Variants in DNAAF11 observed in about 807,000 individuals in gnomAD.
DNAAF11 encodes dynein axonemal assembly factor 11, also known as leucine rich repeat containing 6.
Under a neutral mutation model 60.8 loss-of-function variants are expected in DNAAF11, and 45 were observed. The observed-to-expected ratio is 0.74, with a 90% CI of 0.58 to 0.95. The LOEUF (loss-of-function observed/expected upper bound fraction) is 0.95. Ranked by LOEUF, DNAAF11 falls within the 40% of genes least tolerant of loss-of-function variation. The pLI is 0.00. For synonymous variants in DNAAF11, 191 were observed against 183.5 expected, an observed-to-expected ratio of 1.04 and a Z score of -0.33; for missense variants, 546 against 546.2, an observed-to-expected ratio of 1.00 and a Z score of 0.00.
intron 10 of DNAAF11, among the ~76,000 whole-genome samples, chr8:132,607,217 T>A (rs1014321881): frequency 2.6e-5 from 4 of 152,222 alleles, no homozygotes; most frequent in Non-Finnish European, 4.4e-5. Flanking sequence ...GTACACCTCT[T>A]CTACTACTTC....
chr8:132,650,904 C>T (rs1340276102), intron 3 of DNAAF11, among the ~76,000 whole-genome samples: 1 of 152,170 alleles, frequency 6.6e-6, no homozygotes, highest in Non-Finnish European at 1.5e-5. Context: ...AAAAACCCTC[C>T]AAATGTTCAT....
chr8:132,660,349 T>C (rs564872945), intron 2 of DNAAF11, among the ~76,000 whole-genome samples: 1 of 152,238 alleles, frequency 6.6e-6, no homozygotes, highest in Non-Finnish European at 1.5e-5. Flanking sequence ...TATCATTTCA[T>C]GTAATCCCTA....
the DNAAF11 span, among the ~76,000 whole-genome samples, chr8:132,686,165 C>T: frequency 2.0e-5 from 3 of 152,110 alleles, no homozygotes; most frequent in South Asian, 2.1e-4. Context: ...CATCTCTGAA[C>T]GGATGACAAT....
At chr8:132,700,386 T>C in the DNAAF11 span, among the ~76,000 whole-genome samples, 5 of 152,074 alleles carry the variant, frequency 3.3e-5, no homozygotes, top group Non-Finnish European at 4.4e-5. Flanking sequence ...AAGAGTCTGA[T>C]TGAGAGCTGG....
chr8:132,609,056 T>C (rs1818389383), intron 10 of DNAAF11, among the ~76,000 whole-genome samples: 1 of 152,222 alleles, frequency 6.6e-6, no homozygotes, highest in African/African-American at 2.4e-5. Flanking sequence ...GTTTATCTAC[T>C]CTTCCCCTTT....
At chr8:132,688,855 C>T in the DNAAF11 span, among the ~76,000 whole-genome samples, 2 of 152,144 alleles carry the variant, frequency 1.3e-5, no homozygotes, top group African/African-American at 2.4e-5. Context: ...ACTGACAGAT[C>T]CCTTATTAAT....
In DNAAF11 at chr8:132,625,306, T is replaced by G; in HGVS notation, c.802A>C (p.Met268Leu). The change falls in exon 6 of 12, where the codon ATG becomes CTG. Residue 268 changes from methionine (M) to leucine (L), a missense_variant. By Grantham distance (15) the Met-to-Leu change is conservative. Coordinates refer to ENST00000620350, the MANE Select transcript of DNAAF11 (RefSeq NM_012472.6). ...PESRLETLRH[M>L]EKQRKKQEKL... ...TCCTGTTTCTTCCGTTGTTTTTCCA[T>G]GTGTCTAAGAGTTTCCAATCTTGAT... 6.2e-7 allele frequency: 1 copy of G among 1,605,376 alleles called. No individual in the cohort carries two copies. Among genetic ancestry groups the G allele is most frequent in the African/African-American group, 1.3e-5 (1 of 74,660 alleles).
At chr8:132,675,234 T>G in intron 1 of DNAAF11, 1 of 435,194 alleles carries the variant, frequency 2.3e-6, no homozygotes. Flanking sequence ...TGCCTCTTCC[T>G]CCCCTTCCCA....
chr8:132,638,167 A>C, intron 3 of DNAAF11, 60 bp from the exon 4 acceptor site: 1 of 1,268,528 alleles, frequency 7.9e-7, no homozygotes, highest in Non-Finnish European at 1.1e-6. Context: ...TGGTAACAAA[A>C]CGTGTGTAAC....
intron 11 of DNAAF11, chr8:132,578,387 A>C (rs1444693832): frequency 5.8e-6 from 8 of 1,384,470 alleles, no homozygotes; most frequent in Non-Finnish European, 6.6e-6. Context: ...TCCAAAACAA[A>C]GTGGGGAGGG....
At chr8:132,603,715 AG>A (rs1817861791) in intron 10 of DNAAF11, among the ~76,000 whole-genome samples, 1 of 152,074 alleles carries the variant, frequency 6.6e-6, no homozygotes, top group Non-Finnish European at 1.5e-5. Context: ...GAAGTGGACC[AG>A]GGCGGTAAAT....
intron 3 of DNAAF11, among the ~76,000 whole-genome samples, chr8:132,649,085 G>C (rs1822719786): frequency 1.3e-5 from 2 of 152,246 alleles, no homozygotes; most frequent in South Asian, 4.1e-4. Flanking sequence ...AAAGAACAAA[G>C]CTGGAGGCAT....
At chr8:132,599,530 A>G (rs954420453) in intron 10 of DNAAF11, among the ~76,000 whole-genome samples, 1 of 152,242 alleles carries the variant, frequency 6.6e-6, no homozygotes, top group Admixed American at 6.5e-5. Flanking sequence ...CCTCAAAAAA[A>G]TACTGGCAAA....
intron 11 of DNAAF11, among the ~76,000 whole-genome samples, chr8:132,574,260 A>G (rs1814510345): frequency 6.6e-6 from 1 of 152,230 alleles, no homozygotes; most frequent in South Asian, 2.1e-4. Context: ...AGAGATGACT[A>G]TCTTTAGAAG....
At chr8:132,615,979 G>A (rs965105041) in intron 7 of DNAAF11, among the ~76,000 whole-genome samples, 26 of 152,072 alleles carry the variant, frequency 1.7e-4, no homozygotes, top group Non-Finnish European at 8.8e-5. Flanking sequence ...TCAATAGTCA[G>A]GCCTGTGGGA....
At chr8:132,674,166 A>AGGAGGAGG (rs1825518068) in intron 1 of DNAAF11, among the ~76,000 whole-genome samples, 1 of 44,302 alleles carries the variant, frequency 2.3e-5, no homozygotes, top group African/African-American at 1.1e-4. Context: ...GGAGAAGGAG[A>AGGAGGAGG]AGGAGGAGGA....
the DNAAF11 span, among the ~76,000 whole-genome samples, chr8:132,699,939 G>T: frequency 6.6e-6 from 1 of 152,104 alleles, no homozygotes; most frequent in Non-Finnish European, 1.5e-5. Flanking sequence ...GCCAGGGAAG[G>T]GCAGAATGGA....
At chr8:132,605,276 C>A (rs1273334046) in intron 10 of DNAAF11, among the ~76,000 whole-genome samples, 3 of 152,112 alleles carry the variant, frequency 2.0e-5, no homozygotes, top group African/African-American at 4.8e-5. Context: ...GGCTCCAGAG[C>A]CCATTCCCTT....
At chr8:132,680,580 A>G (rs958411083), upstream of DNAAF11, among the ~76,000 whole-genome samples, 11 of 152,150 alleles carry the variant, frequency 7.2e-5, no homozygotes, top group African/African-American at 2.7e-4. Context: ...TTTTCTTCAG[A>G]AAAGTTTCTA....
Sources: gnomAD v4.1 joint callset for allele counts (sites outside exome capture counted in the v4.1 genomes callset) on GRCh38, gnomAD v4.1.1 for gene constraint, MANE v1.5 for transcripts, NCBI Gene and HGNC (gene_info 2026-07-23, HGNC 2026-07-21) for gene names.